LGALS1: variants seen among roughly 807,000 people sequenced by gnomAD.
The protein encoded by LGALS1 is galectin-1.
In LGALS1, 14 loss-of-function variants were observed where a neutral mutation model predicts 14.4. That is an observed-to-expected ratio of 0.97 (90% CI 0.64 to 1.52). The LOEUF (loss-of-function observed/expected upper bound fraction) is 1.52, where lower values mean the gene tolerates loss of function less well. Among genes scored for constraint, LGALS1 ranks in the 40% most tolerant of loss-of-function variants. The pLI is 0.00. For synonymous variants in LGALS1, 71 were observed against 73.4 expected (o/e 0.97, Z 0.17); for missense variants, 170 against 181.4 (o/e 0.94, Z 0.36).
At position 37,675,729 on chromosome 22, in the gene LGALS1, C is replaced by T. The variant is rs1408655037; in HGVS notation, c.9+18C>T. 2.6e-6 allele frequency: 4 copies of T among 1,538,564 alleles called. No homozygotes were observed. The highest frequency in any genetic ancestry group is 2.8e-5 in the African/African-American group (2 of 72,428). On this transcript the variant is annotated intron_variant, in intron 1 of 3. Transcript: ENST00000215909. ...TGGCTTGTGTGAGTGTGGGGACCCC[C>T]CCCCAAGGTCCAGGGGATAGGGCAG...
intron 2 of LGALS1, among the ~76,000 whole-genome samples, chr22:37,677,759 T>C (rs753831060): frequency 7.3e-5 from 10 of 137,050 alleles, no homozygotes; most frequent in Middle Eastern, 3.5e-3. Flanking sequence ...TTTATTATTT[T>C]ATTTATTTAT....
intron 3 of LGALS1, among the ~76,000 whole-genome samples, chr22:37,679,320 A>T (rs959400185): frequency 1.3e-5 from 2 of 150,436 alleles, no homozygotes; most frequent in Non-Finnish European, 3.0e-5. Flanking sequence ...AGTCCTAGCT[A>T]CTCAGGAGGC....
At chr22:37,677,197 T>C in intron 2 of LGALS1, 132 bp downstream of exon 2, 1 of 866,496 alleles carries the variant, frequency 1.2e-6, no homozygotes, top group Non-Finnish European at 1.8e-6. Flanking sequence ...CTGCGTTTTC[T>C]GGGTGACTCA....
intron 2 of LGALS1, 45 bp downstream of exon 2, chr22:37,677,110 T>C (rs1331186911): frequency 3.1e-6 from 5 of 1,593,424 alleles, no homozygotes; most frequent in Non-Finnish European, 4.3e-6. Flanking sequence ...ACGGGCTTGG[T>C]CCAGCAGGGA....
chr22:37,675,992 G>T (rs148155710), intron 1 of LGALS1: 25 of 358,886 alleles, frequency 7.0e-5, no homozygotes, highest in African/African-American at 5.2e-4. Flanking sequence ...TGAGAAGTGA[G>T]CGTGGGAAGG....
rs760364914 is a variant in LGALS1, at chr22:37,679,686, G to A, written c.345G>A (p.Leu115=). The A allele has an allele frequency of 6.2e-7, 1 of 1,610,458 alleles. No individual in the cohort carries two copies. Among genetic ancestry groups the A allele is most frequent in the South Asian group, 1.1e-5 (1 of 90,160 alleles). Residue 115 remains leucine, a synonymous_variant, in exon 4 of 4, where the codon CTG becomes CTA. Coordinates refer to ENST00000215909, the MANE Select transcript of LGALS1 (RefSeq NM_002305.4). The part of the protein sequence containing the change: ...YEFKFPNRLN[L]EAINYMAADG... ...TCAAGTTCCCCAACCGCCTCAACCT[G>A]GAGGCCATCAACTACATGGCAGCTG...
intron 2 of LGALS1, 66 bp downstream of exon 2, chr22:37,677,131 G>A (rs1269831544): frequency 4.0e-6 from 6 of 1,500,124 alleles, no homozygotes; most frequent in African/African-American, 1.4e-5. Flanking sequence ...GGGCGTGGCC[G>A]GCCAAGCCCA....
chr22:37,679,656 C>G lies in LGALS1; in HGVS notation c.315C>G (p.Tyr105Ter), dbSNP rs369424642. ...TGACCGTCAAGCTGCCAGATGGATA[C>G]GAATTCAAGTTCCCCAACCGCCTCA... ...ANLTVKLPDG[Y>*]EFKFPNRLNL... Residue 105 changes from tyrosine (Y) to a stop codon, truncating the protein, a stop_gained, in exon 4 of 4, where the codon TAC (tyrosine) becomes TAG (stop). Coordinates refer to ENST00000215909, the MANE Select transcript of LGALS1 (RefSeq NM_002305.4). LOFTEE classifies it high-confidence loss of function. 6 of 1,610,198 alleles carry G rather than the reference C, an allele frequency of 3.7e-6. No homozygotes were observed. The highest frequency in any genetic ancestry group is 1.6e-4 in the Middle Eastern group (1 of 6,066).
In LGALS1 at chr22:37,676,823, A is replaced by C. The variant is rs112128823; in HGVS notation, c.10-163A>C. The C allele has an allele frequency of 1.5e-4, 115 of 744,720 alleles. 2 individuals carry two copies. The African/African-American group carries it at 1.7e-3, about 11-fold the overall frequency. 46.1% of individuals were successfully genotyped at this position (744,720 alleles called of 1,614,324 possible). A position where few individuals can be genotyped will look rare whatever the true frequency, so the allele number is the denominator to read the frequency against. ...TTCCCAGGACCACATAGACAATCGGAGGCTGGAAATTACAGCTCAATCCTT... is the reference window on the plus strand; with the variant it reads ...TTCCCAGGACCACATAGACAATCGGCGGCTGGAAATTACAGCTCAATCCTT... On this transcript the variant is annotated intron_variant, in intron 1 of 3. Coordinates refer to ENST00000215909, the MANE Select transcript of LGALS1 (RefSeq NM_002305.4).
At chr22:37,678,747 C>A in intron 3 of LGALS1, 93 bp downstream of exon 3, 4 of 1,266,908 alleles carry the variant, frequency 3.2e-6, no homozygotes, top group Non-Finnish European at 4.3e-6. Flanking sequence ...GCCCTGCCTG[C>A]TCTTTCCCCT....
At chr22:37,675,928 C>T (rs570713408) in intron 1 of LGALS1, among the ~76,000 whole-genome samples, 1 of 152,302 alleles carries the variant, frequency 6.6e-6, no homozygotes, top group East Asian at 1.9e-4. Flanking sequence ...CTGGATTCCT[C>T]CAGGGTCTGA....
At position 37,677,748 on chromosome 22, in the gene LGALS1, ATTTATTATTTTATTTATTTATTTATTAT is replaced by A. The variant is rs1391710331; in HGVS notation, c.89+707_90-684del. 5.3e-5 allele frequency among the ~76,000 whole-genome samples: 8 copies of A among 151,180 alleles called. No individual in the cohort carries two copies. In the East Asian group the frequency reaches 1.2e-3, roughly 23 times the overall value. The stretch of plus-strand genomic sequence containing the variant: ...GCTATTATCACCACTCAACAAATGT[ATTTATTATTTTATTTATTTATTTATTAT>A]TTTATTATTTTATTTATTTATTTTT... On this transcript the variant is annotated intron_variant, in intron 2 of 3. Coordinates refer to ENST00000215909, the MANE Select transcript of LGALS1 (RefSeq NM_002305.4).
Position 37,679,612 on chromosome 22 carries a change from A to T in LGALS1, c.271A>T (p.Thr91Ser). 6.2e-7 allele frequency: 1 copy of T among 1,604,512 alleles called. No individual in the cohort carries two copies. Among genetic ancestry groups the T allele is most frequent in the Non-Finnish European group, 8.5e-7 (1 of 1,176,424 alleles). Residue 91 changes from threonine to serine, a missense_variant, in exon 4 of 4, where the codon ACC (threonine) becomes TCC (serine). Transcript: ENST00000215909. ...TCTCCTCTACCCCCAGGTGTGCATC[A>T]CCTTCGACCAGGCCAACCTGACCGT... is the stretch of plus-strand genomic sequence containing the variant. ...QPGSVAEVCI[T>S]FDQANLTVKL...
intron 2 of LGALS1, chr22:37,677,561 TCA>T (rs1358524894): frequency 6.3e-6 from 1 of 159,160 alleles, no homozygotes; most frequent in Non-Finnish European, 1.4e-5. Context: ...TCACCTAGCC[TCA>T]GTTTGTTAGA....
intron 2 of LGALS1, among the ~76,000 whole-genome samples, chr22:37,678,087 GTAT>G (rs551010090): frequency 2.6e-5 from 4 of 152,104 alleles, no homozygotes; most frequent in Non-Finnish European, 4.4e-5. Flanking sequence ...GTGCCCGGGA[GTAT>G]TATTATTATT....
intron 1 of LGALS1, among the ~76,000 whole-genome samples, chr22:37,676,587 A>C (rs891531003): frequency 6.6e-6 from 1 of 151,910 alleles, no homozygotes; most frequent in Non-Finnish European, 1.5e-5. Context: ...TCTCCAGCAG[A>C]GGGGCCGGCC....
chr22:37,678,770 C>A (rs1442922609), intron 3 of LGALS1, 116 bp downstream of exon 3: 2 of 1,053,144 alleles, frequency 1.9e-6, no homozygotes, highest in African/African-American at 1.6e-5. Flanking sequence ...CCTTCCCTCC[C>A]TTCCTGTGTG....
In LGALS1 at chr22:37,677,070, G is replaced by A. The variant is rs751713527; in HGVS notation, c.89+5G>A. 3 of 1,613,826 alleles carry A rather than the reference G, an allele frequency of 1.9e-6. No individual in the cohort carries two copies. In the South Asian group the frequency reaches 3.3e-5, roughly 18 times the overall value. On this transcript the variant is annotated splice_donor_5th_base_variant and intron_variant, in intron 2 of 3. Transcript: ENST00000215909. ...GGTGGCTCCTGACGCTAAGAGGTGA[G>A]AAGTGAAGTCGGGGTGGTGGGCGGC...
At chr22:37,679,168 A>C (rs1176360711) in intron 3 of LGALS1, among the ~76,000 whole-genome samples, 1 of 149,240 alleles carries the variant, frequency 6.7e-6, no homozygotes, top group Non-Finnish European at 1.5e-5. Context: ...GTGCTGGCTC[A>C]TGCCTGTAAT....
Sources: gnomAD v4.1 joint callset for allele counts (sites outside exome capture counted in the v4.1 genomes callset) on GRCh38, gnomAD v4.1.1 for gene constraint, MANE v1.5 for transcripts, NCBI Gene and HGNC (gene_info 2026-07-23, HGNC 2026-07-21) for gene names.